PCDHGA8: variants seen among roughly 807,000 people sequenced by gnomAD.
The protein encoded by PCDHGA8 is protocadherin gamma subfamily A, 8.
A neutral mutation model predicts 59.2 loss-of-function variants in PCDHGA8; 45 were observed. The observed-to-expected ratio is 0.76, with a 90% CI of 0.60 to 0.98. The LOEUF (loss-of-function observed/expected upper bound fraction) is 0.98. Among genes scored for constraint, PCDHGA8 ranks in the 50% least tolerant of loss-of-function variants. PCDHGA8 has a pLI of 0.00. For missense variants in PCDHGA8, 1,257 were observed against 1,196.2 expected, an observed-to-expected ratio of 1.05 and a Z score of -0.75; for synonymous variants, 531 against 519.0, an observed-to-expected ratio of 1.02 and a Z score of -0.32.
chr5:141,429,395 A>AAT (rs2097212201), intron 1 of PCDHGA8, among the ~76,000 whole-genome samples: 7 of 152,008 alleles, frequency 4.6e-5, no homozygotes, highest in African/African-American at 1.7e-4. Flanking sequence ...TTTAAAAAAA[A>AAT]TTGAGATTAA....
At position 141,476,973 on chromosome 5, in the gene PCDHGA8, A is replaced by C. The variant is rs1205314116; in HGVS notation, c.2425-17834A>C. Reference sequence around the variant, plus strand: ...GAAATTATTTACTCCTTCGGCAGCCACAACCGCGCCGGCGTGCGGCAACTA... The same window carrying C: ...GAAATTATTTACTCCTTCGGCAGCCCCAACCGCGCCGGCGTGCGGCAACTA... On this transcript the variant is annotated intron_variant, in intron 1 of 3. Coordinates refer to ENST00000398604, the MANE Select transcript of PCDHGA8 (RefSeq NM_032088.2). The surrounding 1 kb of genome is among the most constrained non-coding windows in gnomAD (Gnocchi z 7.6). 6.2e-7 allele frequency: 1 copy of C among 1,614,230 alleles called. No homozygotes were observed. The highest frequency in any genetic ancestry group is 2.2e-5 in the East Asian group (1 of 44,884).
chr5:141,395,221 A>G lies in PCDHGA8; in HGVS notation c.2408A>G (p.Glu803Gly). The change falls in exon 1 of 4, where the codon GAA becomes GGA. Residue 803 changes from glutamate to glycine, a missense_variant. Coordinates refer to ENST00000398604, the MANE Select transcript of PCDHGA8 (RefSeq NM_032088.2). ...GTAGATTTTCATGAATATAAGAATG[A>G]AGCTGATCATGGTCAGGTGAGTTTA... The part of the protein sequence containing the change: ...TSVDFHEYKN[E>G]ADHGQQAPPN... 6.2e-7 allele frequency: 1 copy of G among 1,611,672 alleles called. No homozygotes were observed. The highest frequency in any genetic ancestry group is 8.5e-7 in the Non-Finnish European group (1 of 1,178,444).
intron 2 of PCDHGA8, among the ~76,000 whole-genome samples, chr5:141,500,705 T>A (rs1169100560): frequency 6.6e-6 from 1 of 152,220 alleles, no homozygotes; most frequent in Non-Finnish European, 1.5e-5. Context: ...TTGCAGTGTA[T>A]CATGAGAATT....
Position 141,490,192 on chromosome 5 carries a change from A to C in PCDHGA8, c.2425-4615A>C. 1 of 1,614,182 alleles carries C rather than the reference A, an allele frequency of 6.2e-7. No homozygotes were observed. Among genetic ancestry groups the C allele is most frequent in the South Asian group, 1.1e-5 (1 of 91,082 alleles). On this transcript the variant is annotated intron_variant, in intron 1 of 3. Coordinates refer to ENST00000398604, the MANE Select transcript of PCDHGA8 (RefSeq NM_032088.2). The surrounding 1 kb of genome is among the most constrained non-coding windows in gnomAD (Gnocchi z 5.4). Reference sequence around the variant, plus strand: ...CTTTGAGGAGTCACGTTTCTATGAAATTCATGCAAGAGCCCGTGACCAGGG... The same window carrying C: ...CTTTGAGGAGTCACGTTTCTATGAACTTCATGCAAGAGCCCGTGACCAGGG...
rs1434145740 is a variant in PCDHGA8, at chr5:141,393,246, A to G, written c.433A>G (p.Ile145Val). Residue 145 changes from isoleucine to valine, a missense_variant, in exon 1 of 4, where the codon ATC becomes GTC. Coordinates refer to ENST00000398604, the MANE Select transcript of PCDHGA8 (RefSeq NM_032088.2). ...AGATCTAGAAGTAAAAATTAACGAA[A>G]TCGCGGTTCCTGGAGCACGTTATCC... Reference protein sequence around the residue: ...VEDLEVKINEIAVPGARYPLP... With the variant: ...VEDLEVKINEVAVPGARYPLP... 2 of 1,613,694 alleles carry G rather than the reference A, an allele frequency of 1.2e-6. No homozygotes were observed. The highest frequency in any genetic ancestry group is 1.7e-6 in the Non-Finnish European group (2 of 1,179,904).
chr5:141,485,689 G>A lies in PCDHGA8; in HGVS notation c.2425-9118G>A. On this transcript the variant is annotated intron_variant, in intron 1 of 3. Transcript: ENST00000398604. This position sits in a 1 kb window ranked among gnomAD's most constrained non-coding sequence, Gnocchi z 5.7. ...GCAATTCGATTAGCAGCTATAGGCT[G>A]AGCTCCAATGAACACTTTGCACTGG... The A allele has an allele frequency of 6.2e-7, 1 of 1,614,086 alleles. No individual in the cohort carries two copies. The highest frequency in any genetic ancestry group is 8.5e-7 in the Non-Finnish European group (1 of 1,179,970).
chr5:141,465,251 A>T (rs1436627558), intron 1 of PCDHGA8, among the ~76,000 whole-genome samples: 1 of 152,214 alleles, frequency 6.6e-6, no homozygotes, highest in Non-Finnish European at 1.5e-5. Flanking sequence ...GCACTTTTGT[A>T]AGCAATGATA....
chr5:141,402,746 T>C (rs956909207), intron 1 of PCDHGA8, among the ~76,000 whole-genome samples: 2 of 152,224 alleles, frequency 1.3e-5, no homozygotes, highest in African/African-American at 4.8e-5. Context: ...TGATCAACTC[T>C]AAGCGAAAAT....
intron 1 of PCDHGA8, among the ~76,000 whole-genome samples, chr5:141,450,776 C>T (rs757791026): frequency 4.0e-5 from 6 of 151,440 alleles, no homozygotes; most frequent in Non-Finnish European, 8.8e-5. Context: ...CATGAGCCAC[C>T]GTGCCCGGAC....
At chr5:141,403,092 A>C in intron 1 of PCDHGA8, 4 of 1,614,086 alleles carry the variant, frequency 2.5e-6, no homozygotes, top group Non-Finnish European at 3.4e-6. Flanking sequence ...ATTGTGGGCA[A>C]CATCTCCAAG....
intron 1 of PCDHGA8, chr5:141,441,728 G>T: frequency 2.8e-6 from 1 of 361,966 alleles, no homozygotes. Flanking sequence ...CCCGCGACCA[G>T]GACTAGCTCG....
At chr5:141,434,561 G>A (rs2097702856) in intron 1 of PCDHGA8, among the ~76,000 whole-genome samples, 1 of 152,188 alleles carries the variant, frequency 6.6e-6, no homozygotes, top group Non-Finnish European at 1.5e-5. Flanking sequence ...GTGCCTTAAG[G>A]ACATGCCCCT....
At chr5:141,420,458 CAA>C (rs1269245240) in intron 1 of PCDHGA8, 1 of 925,076 alleles carries the variant, frequency 1.1e-6, no homozygotes, top group Non-Finnish European at 1.5e-6. Context: ...TCCTACTATT[CAA>C]AGACATTTTA....
chr5:141,442,797 G>A (rs140116155), intron 1 of PCDHGA8, among the ~76,000 whole-genome samples: 1,916 of 152,222 alleles, frequency 0.013, 22 homozygotes, highest in Non-Finnish European at 0.02. Context: ...ATTTTACTTT[G>A]ATATTCAAAT....
chr5:141,403,984 A>C, intron 1 of PCDHGA8: 1 of 1,613,892 alleles, frequency 6.2e-7, no homozygotes, highest in South Asian at 1.1e-5. Flanking sequence ...ATGACAATAG[A>C]CCTGAAGTGA....
chr5:141,482,510 T>A (rs2099563292), intron 1 of PCDHGA8, among the ~76,000 whole-genome samples: 3 of 121,012 alleles, frequency 2.5e-5, no homozygotes, highest in African/African-American at 3.5e-5. Context: ...GTACCCAGAG[T>A]ACAGTATGAG....
chr5:141,438,623 TATATATATATATACACAC>T (rs1435936123), intron 1 of PCDHGA8, among the ~76,000 whole-genome samples: 532 of 42,826 alleles, frequency 0.012, 5 homozygotes, highest in African/African-American at 0.075. Flanking sequence ...TATATATATA[TATATATATATATACACAC>T]ACACACACAC....
rs1036126623 is a variant in PCDHGA8 at position 141,410,753 on chromosome 5, T to C, written c.2424+15516T>C. The stretch of plus-strand genomic sequence containing the variant: ...AGCTTTTTACAATATTTTCTCAATG[T>C]TTTTTCAATTATAGTTTTCACTATG... On this transcript the variant is annotated intron_variant, in intron 1 of 3. Coordinates refer to ENST00000398604, the MANE Select transcript of PCDHGA8 (RefSeq NM_032088.2). 2.4e-6 allele frequency: 3 copies of C among 1,229,812 alleles called. No homozygotes were observed. In the Admixed American group the frequency reaches 8.8e-5, roughly 36 times the overall value. The allele number at this position is 1,229,812 out of a possible 1,614,324, so 76.2% of individuals were successfully genotyped here. A position where few individuals can be genotyped will look rare whatever the true frequency, so the allele number is the denominator to read the frequency against.
At chr5:141,461,225 T>C (rs1157429654) in intron 1 of PCDHGA8, among the ~76,000 whole-genome samples, 3 of 152,162 alleles carry the variant, frequency 2.0e-5, no homozygotes, top group African/African-American at 7.2e-5. Flanking sequence ...CTGTTTTCCA[T>C]AGAGGTTGTA....
Sources: gnomAD v4.1 joint callset for allele counts (sites outside exome capture counted in the v4.1 genomes callset) on GRCh38, gnomAD v4.1.1 for gene constraint, Gnocchi (gnomAD v3.1) non-coding constraint, MANE v1.5 for transcripts, NCBI Gene and HGNC (gene_info 2026-07-23, HGNC 2026-07-21) for gene names.